The following CDC42SE2 variants were observed in gnomAD, a reference collection of about 807,000 sequenced individuals.
CDC42SE2 encodes CDC42 small effector 2, also known as CDC42 small effector protein 2.
A neutral mutation model predicts 11.5 loss-of-function variants in CDC42SE2; 3 were observed. That is an observed-to-expected ratio of 0.26 (90% CI 0.12 to 0.67). The LOEUF (loss-of-function observed/expected upper bound fraction) is 0.67. Ranked by LOEUF, CDC42SE2 falls within the 30% of genes least tolerant of loss-of-function variation. The pLI is 0.80. For synonymous variants in CDC42SE2, 33 were observed against 34.8 expected (o/e 0.95, Z 0.18); for missense variants, 82 against 106.8 (o/e 0.77, Z 1.02).
the CDC42SE2 span, among the ~76,000 whole-genome samples, chr5:131,210,551 G>A: frequency 6.6e-6 from 1 of 152,158 alleles, no homozygotes; most frequent in African/African-American, 2.4e-5. Flanking sequence ...TTCCACATAG[G>A]CTTTATTTTC....
the CDC42SE2 span, among the ~76,000 whole-genome samples, chr5:131,213,424 AT>A: frequency 9.2e-5 from 14 of 151,776 alleles, no homozygotes; most frequent in South Asian, 8.3e-4. Context: ...GATACCAATT[AT>A]TTTTTTCTTT....
chr5:131,308,808 T>A (rs1435029387), intron 1 of CDC42SE2, among the ~76,000 whole-genome samples: 1 of 152,166 alleles, frequency 6.6e-6, no homozygotes. Context: ...ATCCTGAGAC[T>A]TTGTTGAAGT....
At chr5:131,334,016 G>T (rs1322328304) in intron 2 of CDC42SE2, among the ~76,000 whole-genome samples, 2 of 152,088 alleles carry the variant, frequency 1.3e-5, no homozygotes, top group African/African-American at 4.8e-5. Flanking sequence ...TAGGAGTGTT[G>T]AGAGAGGGCA....
chr5:131,351,821 T>C (rs993398781), intron 2 of CDC42SE2, among the ~76,000 whole-genome samples: 2 of 152,218 alleles, frequency 1.3e-5, no homozygotes, highest in Non-Finnish European at 2.9e-5. Context: ...ATAAAACTTA[T>C]GCATAAGACA....
At chr5:131,329,931 G>A (rs1488279250) in intron 2 of CDC42SE2, among the ~76,000 whole-genome samples, 11 of 110,874 alleles carry the variant, frequency 9.9e-5, no homozygotes, top group African/African-American at 2.6e-4. Flanking sequence ...AAGAAGAAGC[G>A]CTCCAGTTAT....
At chr5:131,248,805 A>G (rs1010505018) in intron 1 of CDC42SE2, among the ~76,000 whole-genome samples, 2 of 152,128 alleles carry the variant, frequency 1.3e-5, no homozygotes, top group Admixed American at 6.5e-5. Flanking sequence ...AAGAAACACG[A>G]AAAAGTTCTG....
chr5:131,293,231 A>G (rs1331122965), intron 1 of CDC42SE2, among the ~76,000 whole-genome samples: 1 of 152,134 alleles, frequency 6.6e-6, no homozygotes, highest in Non-Finnish European at 1.5e-5. Context: ...AGTTAGCTCT[A>G]CCCTTCTACC....
the CDC42SE2 span, among the ~76,000 whole-genome samples, chr5:131,213,084 A>C: frequency 6.6e-6 from 1 of 151,932 alleles, no homozygotes; most frequent in African/African-American, 2.4e-5. Flanking sequence ...CAGCTACTAC[A>C]CGGGAGGCTG....
At chr5:131,278,538 G>C (rs1227489007) in intron 1 of CDC42SE2, among the ~76,000 whole-genome samples, 3 of 151,002 alleles carry the variant, frequency 2.0e-5, no homozygotes, top group Non-Finnish European at 4.4e-5. Context: ...CTTGAAACTG[G>C]CCATGGTGGG....
intron 1 of CDC42SE2, among the ~76,000 whole-genome samples, chr5:131,264,805 T>A (rs777334846): frequency 6.6e-6 from 1 of 152,240 alleles, no homozygotes; most frequent in Non-Finnish European, 1.5e-5. Context: ...AGCGGCTCCT[T>A]GATGCCGCAT....
chr5:131,342,858 A>G (rs2149754374), intron 2 of CDC42SE2, among the ~76,000 whole-genome samples: 1 of 152,016 alleles, frequency 6.6e-6, no homozygotes, highest in African/African-American at 2.4e-5. Flanking sequence ...GACTACAGGC[A>G]TGTGCCGCCA....
At chr5:131,248,353 T>C (rs1756613135) in intron 1 of CDC42SE2, among the ~76,000 whole-genome samples, 1 of 152,114 alleles carries the variant, frequency 6.6e-6, no homozygotes, top group South Asian at 2.1e-4. Flanking sequence ...TTGGTCAGGC[T>C]GGTCTCAGAC....
intron 3 of CDC42SE2, among the ~76,000 whole-genome samples, chr5:131,361,643 T>TG (rs1241982081): frequency 1.3e-5 from 2 of 152,200 alleles, no homozygotes; most frequent in African/African-American, 4.8e-5. Context: ...CCTGGGTTCT[T>TG]GCTTTGGTGT....
chr5:131,328,842 C>G (rs575197012), intron 2 of CDC42SE2, among the ~76,000 whole-genome samples: 1 of 152,350 alleles, frequency 6.6e-6, no homozygotes, highest in African/African-American at 2.4e-5. Context: ...TAGCCGCCAC[C>G]TGGCACCATT....
At chr5:131,360,404 G>A (rs1319769165) in intron 3 of CDC42SE2, among the ~76,000 whole-genome samples, 2 of 152,352 alleles carry the variant, frequency 1.3e-5, no homozygotes, top group South Asian at 2.1e-4. Flanking sequence ...ACAGGCGTGA[G>A]CCACTGCACC....
chr5:131,261,448 T>G (rs772066191), upstream of CDC42SE2: 15 of 152,222 alleles, frequency 9.9e-5, no homozygotes, highest in Admixed American at 2.6e-4. Flanking sequence ...AATTGTAACA[T>G]GTAATCTGTA....
chr5:131,234,564 C>T, the CDC42SE2 span, among the ~76,000 whole-genome samples: 27 of 149,614 alleles, frequency 1.8e-4, no homozygotes, highest in African/African-American at 3.0e-4. Flanking sequence ...TGAACCTGGG[C>T]GGCAGAGGTT....
intron 1 of CDC42SE2, among the ~76,000 whole-genome samples, chr5:131,293,917 T>C (rs1253599556): frequency 6.6e-6 from 1 of 152,168 alleles, no homozygotes; most frequent in Non-Finnish European, 1.5e-5. Flanking sequence ...CTTAACTCCT[T>C]ATAAAGGCAA....
At chr5:131,339,825 AG>A (rs1758669066) in intron 2 of CDC42SE2, among the ~76,000 whole-genome samples, 1 of 137,210 alleles carries the variant, frequency 7.3e-6, no homozygotes. Flanking sequence ...AAAAAAAAAG[AG>A]AGAGAAAATT....
Sources: allele counts gnomAD v4.1 joint callset (sites outside exome capture counted in the v4.1 genomes callset), GRCh38; gene constraint gnomAD v4.1.1; transcripts MANE v1.5; gene names NCBI Gene and HGNC (gene_info 2026-07-23, HGNC 2026-07-21).